Variants in AFF1 observed in about 807,000 individuals in gnomAD.
The protein encoded by AFF1 is ALF transcription elongation factor 1.
In AFF1, 48 loss-of-function variants were observed where a neutral mutation model predicts 121.7. That is an observed-to-expected ratio of 0.39 (90% CI 0.31 to 0.50). The LOEUF is 0.50. AFF1 is among the 20% of genes least tolerant of loss of function. The probability of loss-of-function intolerance (pLI) is 0.76; values close to 1 mark genes in which losing one functional copy is unlikely to be tolerated. For synonymous variants in AFF1, 613 were observed against 563.0 expected, an observed-to-expected ratio of 1.09 and a Z score of -1.26; for missense variants, 1,523 against 1,511.7, an observed-to-expected ratio of 1.01 and a Z score of -0.12.
intron 8 of AFF1, among the ~76,000 whole-genome samples, chr4:87,101,158 C>G (rs1323117276): frequency 6.6e-6 from 1 of 152,174 alleles, no homozygotes; most frequent in African/African-American, 2.4e-5. Flanking sequence ...TACCTTTTCA[C>G]TTTTTCATCT....
At chr4:87,039,979 G>C (rs1377812244) in intron 2 of AFF1, among the ~76,000 whole-genome samples, 1 of 152,130 alleles carries the variant, frequency 6.6e-6, no homozygotes, top group Non-Finnish European at 1.5e-5. Flanking sequence ...TCGGCTCACT[G>C]CAGCCGAGAT....
In AFF1 at chr4:87,108,143, T is replaced by G. The variant is rs1278532829; in HGVS notation, c.1377-16T>G. On this transcript the variant is annotated splice_polypyrimidine_tract_variant and intron_variant, in intron 10 of 20. Coordinates refer to ENST00000395146, the MANE Select transcript of AFF1 (RefSeq NM_001166693.3). ...TGTATCGTGCCTTCTAATTTTATCT[T>G]TTGGTTGCTTTGCAGTGCTCCACAG... is the stretch of plus-strand genomic sequence containing the variant. 1 of 1,610,088 alleles carries G rather than the reference T, an allele frequency of 6.2e-7. No homozygotes were observed.
Position 86,987,997 on chromosome 4 carries a change from C to T in AFF1, c.38+39426C>T, listed in dbSNP as rs185101298. ...TTTTAAGCTGGGGTCATGTTATTCC[C>T]GCCCACCCCCCAACCCCAGAGTTTC... On this transcript the variant is annotated intron_variant, in intron 2 of 20. Coordinates refer to ENST00000395146, the MANE Select transcript of AFF1 (RefSeq NM_001166693.3). Among the ~76,000 whole-genome samples, 89 of 151,060 alleles carry T rather than the reference C, an allele frequency of 5.9e-4. No homozygotes were observed. In the East Asian group the frequency reaches 0.01, roughly 17 times the overall value.
At chr4:87,135,542 T>G in intron 20 of AFF1, 38 bp from the exon 21 acceptor site, 1 of 1,492,350 alleles carries the variant, frequency 6.7e-7, no homozygotes. Flanking sequence ...TGTGCTTGTG[T>G]ATTTACTTGT....
intron 12 of AFF1, among the ~76,000 whole-genome samples, chr4:87,120,279 C>T (rs1727544271): frequency 1.3e-5 from 2 of 152,154 alleles, no homozygotes; most frequent in Admixed American, 6.5e-5. Flanking sequence ...TATTGAATCT[C>T]CTTCCGAGGC....
At chr4:87,056,597 T>TA (rs1560581853) in intron 4 of AFF1, among the ~76,000 whole-genome samples, 1 of 152,220 alleles carries the variant, frequency 6.6e-6, no homozygotes. Context: ...TGAACATTCT[T>TA]ACAAAATGTT....
Position 87,019,747 on chromosome 4 carries a change from C to T in AFF1, c.39-26419C>T, listed in dbSNP as rs531806661. ...CTTTGTAATGTCCTTTACAATAAAC[C>T]GTTAAACGTTAAGTAGGTGTTTCCT... On this transcript the variant is annotated intron_variant, in intron 2 of 20. Coordinates refer to ENST00000395146, the MANE Select transcript of AFF1 (RefSeq NM_001166693.3). Among the ~76,000 whole-genome samples, 189 of 152,242 alleles carry T rather than the reference C, an allele frequency of 1.2e-3. 10 individuals are homozygous for T. The South Asian group carries it at 0.037, about 30-fold the overall frequency.
chr4:87,049,715 C>T (rs1458038993), intron 4 of AFF1: 1 of 456,096 alleles, frequency 2.2e-6, no homozygotes, highest in Non-Finnish European at 4.4e-6. Context: ...TCATGCCAGG[C>T]AGCGGCAGCT....
intron 4 of AFF1, among the ~76,000 whole-genome samples, chr4:87,068,809 C>T (rs191950981): frequency 8.7e-4 from 132 of 152,300 alleles, no homozygotes; most frequent in Non-Finnish European, 1.5e-3. Context: ...TAAGGGCCGC[C>T]ATTGCAGCCG....
intron 8 of AFF1, among the ~76,000 whole-genome samples, chr4:87,101,584 G>GA (rs57043448): frequency 0.021 from 3,049 of 148,540 alleles, 105 homozygotes; most frequent in African/African-American, 0.07. Flanking sequence ...GTCTGAAAAA[G>GA]AAAAAAAAAA....
intron 16 of AFF1, among the ~76,000 whole-genome samples, chr4:87,129,650 G>A (rs1459327985): frequency 1.3e-5 from 2 of 152,028 alleles, no homozygotes; most frequent in African/African-American, 4.8e-5. Flanking sequence ...TCTGAGCCTC[G>A]GTTCTCTAGA....
chr4:86,960,120 A>T (rs936695943), intron 2 of AFF1, among the ~76,000 whole-genome samples: 1 of 152,130 alleles, frequency 6.6e-6, no homozygotes, highest in African/African-American at 2.4e-5. Context: ...TTTTTTAATT[A>T]AAGGAAAACA....
intron 5 of AFF1, 29 bp downstream of exon 5, chr4:87,084,193 G>A (rs1406481330): frequency 1.2e-6 from 2 of 1,605,896 alleles, no homozygotes; most frequent in East Asian, 4.5e-5. Context: ...TTTCTCATTT[G>A]AAGAAATATT....
intron 2 of AFF1, among the ~76,000 whole-genome samples, chr4:87,027,283 T>G (rs1728616934): frequency 6.6e-6 from 1 of 152,252 alleles, no homozygotes; most frequent in South Asian, 2.1e-4. Context: ...AGAGAAAGAT[T>G]TGAAGGTGTT....
intron 2 of AFF1, among the ~76,000 whole-genome samples, chr4:87,043,825 C>CT (rs10543473): frequency 5.5e-4 from 82 of 150,016 alleles, no homozygotes; most frequent in South Asian, 8.4e-4. Context: ...TTCTTTCTTT[C>CT]TTTTTTTTTT....
rs1262491955 is a variant in AFF1 at position 87,136,032 on chromosome 4, A to G, written c.*331A>G. 2 of 265,564 alleles carry G rather than the reference A, an allele frequency of 7.5e-6. No homozygotes were observed. Among genetic ancestry groups the G allele is most frequent in the African/African-American group, 4.3e-5 (2 of 46,382 alleles). The allele number at this position is 265,564 out of a possible 1,614,324, so 16.5% of individuals were successfully genotyped here. Reference sequence around the variant, plus strand: ...TTTAAACCAGCAGGATACAAGTTGCAAATGAAATGAGGAGAAACAGTTTCA... The same window carrying G: ...TTTAAACCAGCAGGATACAAGTTGCGAATGAAATGAGGAGAAACAGTTTCA... On this transcript the variant is annotated 3_prime_UTR_variant, in exon 21 of 21. Transcript: ENST00000395146.
chr4:87,105,819 G>GC lies in AFF1; in HGVS notation c.1352dup (p.Pro452SerfsTer32), dbSNP rs745985299. On this transcript the variant is annotated frameshift_variant, in exon 10 of 21. Coordinates refer to ENST00000395146, the MANE Select transcript of AFF1 (RefSeq NM_001166693.3). LOFTEE classifies it high-confidence loss of function. ...TTGTGAATGCCTAGACCCCAGAGAA[G>GC]CCTCCCTCCTCATCTGCACCTCCAA... The GC allele has an allele frequency of 6.2e-7, 1 of 1,613,922 alleles. No homozygotes were observed. Among genetic ancestry groups the GC allele is most frequent in the Non-Finnish European group, 8.5e-7 (1 of 1,180,016 alleles).
At position 87,111,108 on chromosome 4, in the gene AFF1, C is replaced by T. The variant is rs1384691456; in HGVS notation, c.1533+2793C>T. 6.2e-5 allele frequency among the ~76,000 whole-genome samples: 5 copies of T among 80,276 alleles called. 2 individuals carry two copies. The highest frequency in any genetic ancestry group is 1.3e-4 in the Non-Finnish European group (5 of 37,284). The allele number at this position is 80,276 out of a possible 152,430, so 52.7% of individuals were successfully genotyped here. A position where few individuals can be genotyped will look rare whatever the true frequency, so the allele number is the denominator to read the frequency against. On this transcript the variant is annotated intron_variant, in intron 11 of 20. Coordinates refer to ENST00000395146, the MANE Select transcript of AFF1 (RefSeq NM_001166693.3). ...CTGCAAGCTCCGCCTCCCGGGTTCA[C>T]GCCATTCTCCTGCCTCAGCCTCCCG...
chr4:87,049,195 T>A (rs1731029844), intron 4 of AFF1, among the ~76,000 whole-genome samples: 1 of 152,044 alleles, frequency 6.6e-6, no homozygotes, highest in South Asian at 2.1e-4. Flanking sequence ...TTGCATTGTC[T>A]ACCAAATGCC....
Sources: allele counts gnomAD v4.1 joint callset (sites outside exome capture counted in the v4.1 genomes callset), GRCh38; gene constraint gnomAD v4.1.1; transcripts MANE v1.5; gene names NCBI Gene and HGNC (gene_info 2026-07-23, HGNC 2026-07-21).